VPS13C: variants seen among roughly 807,000 people sequenced by gnomAD.
VPS13C encodes the protein vacuolar protein sorting 13 homolog C.
Under a neutral mutation model 456.8 loss-of-function variants are expected in VPS13C, and 358 were observed. That is an observed-to-expected ratio of 0.78 (90% CI 0.72 to 0.86). VPS13C has a LOEUF of 0.86. Among genes scored for constraint, VPS13C ranks in the 40% least tolerant of loss-of-function variants. The probability of loss-of-function intolerance (pLI) is 0.00; values close to 1 mark genes in which losing one functional copy is unlikely to be tolerated. For missense variants in VPS13C, 4,818 were observed against 4,385.4 expected (o/e 1.10, Z -2.79); for synonymous variants, 1,578 against 1,486.7 (o/e 1.06, Z -1.41).
chr15:61,969,339 A>G lies in VPS13C; in HGVS notation c.2871T>C (p.Ser957=), dbSNP rs753303462. The G allele has an allele frequency of 1.2e-6, 2 of 1,603,072 alleles. No homozygotes were observed. The highest frequency in any genetic ancestry group is 1.1e-5 in the South Asian group (1 of 88,412). ...TMRTFDLTVV[S]YLKKISLDYH... The stretch of plus-strand genomic sequence containing the variant: ...AATCCAAGCTGATTTTCTTTAAATA[A>G]GATACCACAGTTAAGTCAAATGTTC... Residue 957 remains serine (S), a synonymous_variant, in exon 28 of 85, where the codon TCT becomes TCC. Transcript: ENST00000644861.
At chr15:61,982,051 A>C (rs186449541) in intron 21 of VPS13C, among the ~76,000 whole-genome samples, 1 of 152,344 alleles carries the variant, frequency 6.6e-6, no homozygotes, top group Admixed American at 6.5e-5. Flanking sequence ...GGGATAGAAT[A>C]ATTTATTATT....
chr15:61,962,678 A>G lies in VPS13C; in HGVS notation c.3435+71T>C, dbSNP rs575459813. On this transcript the variant is annotated intron_variant, in intron 33 of 84. Transcript: ENST00000644861. Reference sequence around the variant, plus strand: ...ATATTTCATTAATGTTTTTAAAATAAAATACATTTTACAATAGAAGCTCAT... The same window carrying G: ...ATATTTCATTAATGTTTTTAAAATAGAATACATTTTACAATAGAAGCTCAT... The G allele has an allele frequency of 6.7e-6, 9 of 1,341,184 alleles. No individual in the cohort carries two copies. In the South Asian group the frequency reaches 1.5e-4, roughly 23 times the overall value. The allele number at this position is 1,341,184 out of a possible 1,614,324, so 83.1% of individuals were successfully genotyped here.
At chr15:61,999,337 G>A (rs1042248921) in intron 16 of VPS13C, among the ~76,000 whole-genome samples, 9 of 150,304 alleles carry the variant, frequency 6.0e-5, no homozygotes, top group South Asian at 4.2e-4. Flanking sequence ...CCAAGATTGC[G>A]CCACTGCACT....
At position 62,002,897 on chromosome 15, in the gene VPS13C, G is replaced by C. The variant is rs1013297762; in HGVS notation, c.1291-2271C>G. ...GATCTATATCTCTATTTTGGTACCAGTACCATGCTGTTTTGGTTACTGTAG... is the reference window on the plus strand; with the variant it reads ...GATCTATATCTCTATTTTGGTACCACTACCATGCTGTTTTGGTTACTGTAG... On this transcript the variant is annotated intron_variant, in intron 15 of 84. Coordinates refer to ENST00000644861, the MANE Select transcript of VPS13C (RefSeq NM_020821.3). Among the ~76,000 whole-genome samples the C allele has an allele frequency of 5.3e-5, 8 of 152,192 alleles. No homozygotes were observed. The South Asian group carries it at 1.2e-3, about 24-fold the overall frequency.
chr15:61,859,197 C>A (rs928144121), intron 82 of VPS13C, among the ~76,000 whole-genome samples: 1 of 152,024 alleles, frequency 6.6e-6, no homozygotes, highest in African/African-American at 2.4e-5. Flanking sequence ...TAGTGAGACT[C>A]TGTCTCTTCT....
chr15:61,909,473 C>T (rs1353973955), intron 64 of VPS13C, among the ~76,000 whole-genome samples: 1 of 152,234 alleles, frequency 6.6e-6, no homozygotes, highest in African/African-American at 2.4e-5. Flanking sequence ...TCCCAAAGTG[C>T]TGGGATTACA....
At chr15:62,008,144 T>C (rs1486533499) in intron 14 of VPS13C, among the ~76,000 whole-genome samples, 1 of 151,730 alleles carries the variant, frequency 6.6e-6, no homozygotes, top group African/African-American at 2.4e-5. Flanking sequence ...AGGCAGGGAG[T>C]TGCTTGAACC....
At position 62,044,220 on chromosome 15, in the gene VPS13C, T is replaced by C; in HGVS notation, c.136A>G (p.Asn46Asp). The C allele has an allele frequency of 1.3e-6, 2 of 1,488,462 alleles. No individual in the cohort carries two copies. Among genetic ancestry groups the C allele is most frequent in the Non-Finnish European group, 9.2e-7 (1 of 1,083,918 alleles). The allele number at this position is 1,488,462 out of a possible 1,614,324, so 92.2% of individuals were successfully genotyped here. A position where few individuals can be genotyped will look rare whatever the true frequency, so the allele number is the denominator to read the frequency against. ...GTTTAAAAAAAACTTACCAGGGCAT[T>C]TTCTTTTATCTGTAGATTATCTAAA... ...VALDNLQIKENALSELDVPFK... is the reference protein window; with the variant it reads ...VALDNLQIKEDALSELDVPFK... The change falls in exon 2 of 85, where the codon AAT becomes GAT. Residue 46 changes from asparagine to aspartate, a missense_variant. Physicochemically the swap from Asn to Asp is conservative, Grantham distance 23 (BLOSUM62 1). Coordinates refer to ENST00000644861, the MANE Select transcript of VPS13C (RefSeq NM_020821.3).
Position 61,929,659 on chromosome 15 carries a change from G to A in VPS13C, c.6128C>T (p.Ala2043Val), listed in dbSNP as rs149882066. Residue 2043 changes from alanine (A) to valine (V), a missense_variant, in exon 51 of 85, where the codon GCT becomes GTT. Around this residue, in one of 3 missense-constraint regions of VPS13C, gnomAD observed 4,552 missense variants for 4,130.6 expected, o/e 1.10. Coordinates refer to ENST00000644861, the MANE Select transcript of VPS13C (RefSeq NM_020821.3). Reference sequence around the variant, plus strand: ...ACATACATACAGCTTGTCAAGAACAGCATCAATTTGACTTCCATTTTTGTC... The same window carrying A: ...ACATACATACAGCTTGTCAAGAACAACATCAATTTGACTTCCATTTTTGTC... Reference protein sequence around the residue: ...KQDKNGSQIDAVLDKLYVCAS... With the variant: ...KQDKNGSQIDVVLDKLYVCAS... The A allele has an allele frequency of 6.2e-7, 1 of 1,613,950 alleles. No homozygotes were observed. Among genetic ancestry groups the A allele is most frequent in the Non-Finnish European group, 8.5e-7 (1 of 1,179,972 alleles).
At chr15:62,034,415 T>C (rs902022450) in intron 4 of VPS13C, among the ~76,000 whole-genome samples, 1 of 151,682 alleles carries the variant, frequency 6.6e-6, no homozygotes, top group African/African-American at 2.4e-5. Context: ...TAACATTATA[T>C]TGTTCTTATA....
chr15:61,933,153 C>T (rs1330090776), intron 49 of VPS13C, among the ~76,000 whole-genome samples: 1 of 152,092 alleles, frequency 6.6e-6, no homozygotes, highest in Non-Finnish European at 1.5e-5. Flanking sequence ...TACTCAGCAT[C>T]TCAATGAATA....
chr15:62,032,272 G>A (rs35967150), intron 5 of VPS13C, among the ~76,000 whole-genome samples: 47,021 of 151,462 alleles, frequency 0.31, 8,521 homozygotes, highest in Non-Finnish European at 0.39. Flanking sequence ...AATCACAATT[G>A]TCATGAAACA....
intron 83 of VPS13C, 151 bp from the exon 84 acceptor site, chr15:61,855,105 C>T: frequency 1.5e-6 from 1 of 650,848 alleles, no homozygotes; most frequent in South Asian, 2.2e-5. Context: ...AATAAATCAT[C>T]TTGGAACAAG....
chr15:61,964,639 C>T (rs2045322013), intron 31 of VPS13C, 60 bp downstream of exon 31: 1 of 1,467,130 alleles, frequency 6.8e-7, no homozygotes, highest in Non-Finnish European at 9.2e-7. Context: ...TAGTATTCCT[C>T]ATTTAGCTTT....
At chr15:61,993,802 C>A (rs1028667605) in intron 16 of VPS13C, among the ~76,000 whole-genome samples, 2 of 152,096 alleles carry the variant, frequency 1.3e-5, no homozygotes, top group Admixed American at 6.5e-5. Context: ...AGAGCTGTCA[C>A]AGAACTATAC....
At position 61,925,365 on chromosome 15, in the gene VPS13C, G is replaced by C. The variant is rs535996175; in HGVS notation, c.6609+91C>G. On this transcript the variant is annotated intron_variant, in intron 53 of 84. Transcript: ENST00000644861. ...GACTAGCATAATGCTTGAGTTATGA[G>C]AGACATCAAAAGATACTGTCTCAAC... The C allele has an allele frequency of 4.2e-4, 264 of 625,766 alleles. 1 individual carries two copies. The highest frequency in any genetic ancestry group is 3.3e-3 in the Middle Eastern group (7 of 2,110). 38.8% of individuals were successfully genotyped at this position (625,766 alleles called of 1,614,324 possible).
chr15:62,034,159 A>G (rs1434762841), intron 4 of VPS13C, among the ~76,000 whole-genome samples: 1 of 151,696 alleles, frequency 6.6e-6, no homozygotes, highest in African/African-American at 2.4e-5. Flanking sequence ...AACAGTAGGT[A>G]GCCCACAATA....
chr15:61,893,304 C>T (rs1344678791), intron 66 of VPS13C, among the ~76,000 whole-genome samples: 1 of 152,108 alleles, frequency 6.6e-6, no homozygotes, highest in Admixed American at 6.5e-5. Context: ...AAACCATGCC[C>T]TGCAGGAGGC....
intron 39 of VPS13C, 61 bp from the exon 40 acceptor site, chr15:61,951,085 G>A: frequency 9.1e-7 from 1 of 1,100,194 alleles, no homozygotes; most frequent in South Asian, 1.6e-5. Flanking sequence ...TTTTAAAACA[G>A]GACCAGCCAA....
Sources: allele counts gnomAD v4.1 joint callset (sites outside exome capture counted in the v4.1 genomes callset), GRCh38; gene constraint gnomAD v4.1.1; regional missense constraint gnomAD v4.1.1; transcripts MANE v1.5; gene names NCBI Gene and HGNC (gene_info 2026-07-23, HGNC 2026-07-21).